The following FMNL2 variants were observed in gnomAD, a reference collection of about 807,000 sequenced individuals.
The protein encoded by FMNL2 is formin like 2, also known as formin-like protein 2.
In FMNL2, 51 loss-of-function variants were observed where a neutral mutation model predicts 130.2. The observed-to-expected ratio is 0.39, with a 90% CI of 0.31 to 0.49. The LOEUF (loss-of-function observed/expected upper bound fraction) is 0.49. FMNL2 is among the 20% of genes least tolerant of loss of function. The pLI is 0.85. For missense variants in FMNL2, 977 were observed against 1,316.2 expected, an observed-to-expected ratio of 0.74 and a Z score of 3.99; for synonymous variants, 465 against 467.1, an observed-to-expected ratio of 1.00 and a Z score of 0.06.
At chr2:152,638,969 A>T (rs913797020) in intron 23 of FMNL2, among the ~76,000 whole-genome samples, 2 of 152,214 alleles carry the variant, frequency 1.3e-5, no homozygotes, top group African/African-American at 4.8e-5. Context: ...AGCAGAGGAA[A>T]AAAGAAGCTG....
chr2:152,420,674 C>G (rs1686863053), intron 1 of FMNL2, among the ~76,000 whole-genome samples: 1 of 152,196 alleles, frequency 6.6e-6, no homozygotes, highest in African/African-American at 2.4e-5. Context: ...AGCTGCCTCC[C>G]AGGTCATCCC....
At chr2:152,359,188 G>A (rs983614018) in intron 1 of FMNL2, among the ~76,000 whole-genome samples, 14 of 152,138 alleles carry the variant, frequency 9.2e-5, no homozygotes, top group African/African-American at 2.9e-4. Flanking sequence ...ATATAGATTC[G>A]GATTGTTTGT....
chr2:152,532,020 G>A (rs1693726448), intron 2 of FMNL2, among the ~76,000 whole-genome samples: 1 of 152,104 alleles, frequency 6.6e-6, no homozygotes, highest in Admixed American at 6.6e-5. Flanking sequence ...TTTTTAGCCT[G>A]ACTAAAAAAT....
chr2:152,411,397 G>T (rs1272299681), intron 1 of FMNL2, among the ~76,000 whole-genome samples: 1 of 152,176 alleles, frequency 6.6e-6, no homozygotes, highest in African/African-American at 2.4e-5. Context: ...CTCAAGACAG[G>T]AAATATACCA....
At chr2:152,365,947 T>C (rs62180761) in intron 1 of FMNL2, among the ~76,000 whole-genome samples, 23,593 of 152,100 alleles carry the variant, frequency 0.16, 2,030 homozygotes, top group African/African-American at 0.21. Flanking sequence ...GAGATTCTTA[T>C]GAAAACCATA....
intron 1 of FMNL2, among the ~76,000 whole-genome samples, chr2:152,410,790 G>A (rs1163637373): frequency 6.6e-6 from 1 of 152,148 alleles, no homozygotes; most frequent in African/African-American, 2.4e-5. Context: ...TCCCCATGAA[G>A]GATTTGCTTG....
Position 152,636,751 on chromosome 2 carries a change from G to A in FMNL2, c.2844+161G>A, listed in dbSNP as rs370889163. On this transcript the variant is annotated intron_variant, in intron 22 of 25. Coordinates refer to ENST00000288670, the MANE Select transcript of FMNL2 (RefSeq NM_052905.4). ...TTTATTACGGGGGGACCATTCCCAG[G>A]GTTATTCTTGGAAGGGCCCCGTCCT... 1.4e-4 allele frequency among the ~76,000 whole-genome samples: 21 copies of A among 152,222 alleles called. No individual in the cohort carries two copies. The East Asian group carries it at 2.3e-3, about 17-fold the overall frequency.
At chr2:152,534,746 G>A (rs2678297) in intron 2 of FMNL2, among the ~76,000 whole-genome samples, 147,653 of 152,204 alleles carry the variant, frequency 0.97, 71,775 homozygotes, top group East Asian at 1. Flanking sequence ...TCAATATTAC[G>A]TATTAGAAAA....
chr2:152,503,336 G>T (rs1338292011), intron 1 of FMNL2, among the ~76,000 whole-genome samples: 1 of 152,142 alleles, frequency 6.6e-6, no homozygotes, highest in Non-Finnish European at 1.5e-5. Flanking sequence ...GAGAATTCTG[G>T]TTAAAGTGAT....
chr2:152,421,228 A>G (rs747168091), intron 1 of FMNL2, among the ~76,000 whole-genome samples: 1 of 152,182 alleles, frequency 6.6e-6, no homozygotes, highest in Non-Finnish European at 1.5e-5. Context: ...AAGTCTTTGA[A>G]AAATAAATTC....
chr2:152,470,583 C>T (rs957554559), intron 1 of FMNL2, among the ~76,000 whole-genome samples: 4 of 152,126 alleles, frequency 2.6e-5, no homozygotes, highest in Admixed American at 6.6e-5. Context: ...AGAAAAAATA[C>T]GCTTAATCAA....
chr2:152,539,873 A>T (rs1047650024), intron 2 of FMNL2, among the ~76,000 whole-genome samples: 17 of 152,148 alleles, frequency 1.1e-4, no homozygotes, highest in African/African-American at 3.9e-4. Flanking sequence ...TATTATTGTA[A>T]AAATAAAATT....
intron 1 of FMNL2, among the ~76,000 whole-genome samples, chr2:152,482,871 T>A (rs1690606559): frequency 6.6e-6 from 1 of 152,126 alleles, no homozygotes; most frequent in East Asian, 1.9e-4. Context: ...TAAACACAGG[T>A]TACTGGTGAA....
At chr2:152,385,588 G>C (rs965373348) in intron 1 of FMNL2, among the ~76,000 whole-genome samples, 1 of 152,168 alleles carries the variant, frequency 6.6e-6, no homozygotes, top group African/African-American at 2.4e-5. Context: ...TTTGAATTAG[G>C]GAGCTGGGGA....
At chr2:152,474,559 G>A (rs529708169) in intron 1 of FMNL2, among the ~76,000 whole-genome samples, 2 of 152,216 alleles carry the variant, frequency 1.3e-5, no homozygotes, top group African/African-American at 4.8e-5. Context: ...GGTGGCGCAC[G>A]CCTGTAGTCC....
In FMNL2 at chr2:152,621,222, CCTTT is replaced by C. The variant is rs768165917; in HGVS notation, c.1837+1505_1837+1508del. ...TGTGGTATCTCATTTGGGGCTGCTT[CCTTT>C]GTCTCTGACAAACGCTGATGTGTGA... On this transcript the variant is annotated intron_variant, in intron 15 of 25. Transcript: ENST00000288670. The C allele has an allele frequency of 1.7e-3, 1,403 of 823,458 alleles. 1 individual carries two copies. The highest frequency in any genetic ancestry group is 2.0e-3 in the Non-Finnish European group (1,344 of 682,032). The allele number at this position is 823,458 out of a possible 1,614,324, so 51.0% of individuals were successfully genotyped here.
intron 1 of FMNL2, among the ~76,000 whole-genome samples, chr2:152,486,947 T>G (rs994536576): frequency 4.6e-5 from 7 of 152,352 alleles, no homozygotes; most frequent in Admixed American, 4.6e-4. Flanking sequence ...ATATTTAGTT[T>G]TCTTCTGTGT....
intron 1 of FMNL2, among the ~76,000 whole-genome samples, chr2:152,436,807 T>C (rs909982349): frequency 5.8e-4 from 88 of 152,144 alleles, no homozygotes; most frequent in African/African-American, 2.1e-3. Context: ...CAGTGATAAG[T>C]TCATAGTATG....
At chr2:152,402,257 G>A (rs1307136266) in intron 1 of FMNL2, among the ~76,000 whole-genome samples, 1 of 152,188 alleles carries the variant, frequency 6.6e-6, no homozygotes, top group African/African-American at 2.4e-5. Context: ...TCTGTAAATA[G>A]TGGTGAAACA....
Sources: gnomAD v4.1 joint callset for allele counts (sites outside exome capture counted in the v4.1 genomes callset) on GRCh38, gnomAD v4.1.1 for gene constraint, MANE v1.5 for transcripts, NCBI Gene and HGNC (gene_info 2026-07-23, HGNC 2026-07-21) for gene names.